ARMCX4: variants seen among roughly 807,000 people sequenced by gnomAD.
The protein encoded by ARMCX4 is armadillo repeat containing X-linked 4.
A neutral mutation model predicts 34.7 loss-of-function variants in ARMCX4; 3 were observed. That is an observed-to-expected ratio of 0.09 (90% CI 0.04 to 0.22). ARMCX4 has a LOEUF of 0.22. Among genes scored for constraint, ARMCX4 ranks in the 10% least tolerant of loss-of-function variants. The probability of loss-of-function intolerance (pLI) is 1.00; values close to 1 mark genes in which losing one functional copy is unlikely to be tolerated. For missense variants in ARMCX4, 1,448 were observed against 1,720.8 expected, an observed-to-expected ratio of 0.84 and a Z score of 2.81; for synonymous variants, 513 against 632.8, an observed-to-expected ratio of 0.81 and a Z score of 2.84.
intron 11 of ARMCX4, among the ~76,000 whole-genome samples, chrX:101,527,728 TAGG>T (rs1556021017): frequency 8.9e-6 from 1 of 111,768 alleles, no homozygotes; most frequent in East Asian, 2.8e-4. Context: ...CTAGAAAATC[TAGG>T]AGAAGTGGAT....
chrX:101,526,206 A>G (rs1934969084), intron 11 of ARMCX4, among the ~76,000 whole-genome samples: 1 of 112,057 alleles, frequency 8.9e-6, no homozygotes, highest in South Asian at 3.7e-4. Context: ...AGAATTTTCA[A>G]CCCCAAATTT....
At chrX:101,506,682 CAT>C (rs200606182) in intron 8 of ARMCX4, among the ~76,000 whole-genome samples, 1,385 of 111,597 alleles carry the variant, frequency 0.012, 19 homozygotes, top group African/African-American at 0.043. Context: ...AGGGCTTTAA[CAT>C]GTGAATTTTG....
chrX:101,433,759 G>T (rs942493814), intron 2 of ARMCX4, among the ~76,000 whole-genome samples: 2 of 111,318 alleles, frequency 1.8e-5, no homozygotes, highest in Admixed American at 1.9e-4. Flanking sequence ...CTTGGAAGTG[G>T]TGATTAATGA....
At chrX:101,486,123 A>G (rs1669356170) in intron 2 of ARMCX4, 31 bp downstream of exon 2, 1 of 111,158 alleles carries the variant, frequency 9.0e-6, no homozygotes, top group Non-Finnish European at 1.9e-5. Context: ...TATCTAAACC[A>G]TTGGAGTTCC....
chrX:101,443,824 G>C, intron 2 of ARMCX4: 1 of 354,031 alleles, frequency 2.8e-6, no homozygotes, highest in East Asian at 6.9e-5. Context: ...ACTCAATCTT[G>C]GCAGTGCAGA....
intron 2 of ARMCX4, among the ~76,000 whole-genome samples, chrX:101,429,261 G>C (rs1398790987): frequency 2.7e-5 from 3 of 109,195 alleles, no homozygotes; most frequent in Admixed American, 2.0e-4. Flanking sequence ...CTGATACAAT[G>C]ACTTATCTTC....
In ARMCX4 at chrX:101,490,190, C is replaced by G. The variant is rs1330359930; in HGVS notation, c.1601C>G (p.Ala534Gly). The change falls in exon 6 of 6, where the codon GCC becomes GGC. Residue 534 changes from alanine to glycine, a missense_variant. Ala to Gly is a moderately conservative substitution (Grantham distance 60, BLOSUM62 0). Transcript: ENST00000423738. ...GGTAAGGCTAGGGGCAAAGCCAAAG[C>G]CAAGTGTAAGACAGGGCCTGGGATG... The part of the protein sequence containing the change: ...TRGKARGKAK[A>G]KCKTGPGMDM... The G allele has an allele frequency of 2.6e-6, 3 of 1,154,050 alleles. No homozygotes were observed. The highest frequency in any genetic ancestry group is 6.5e-5 in the East Asian group (2 of 30,663).
intron 11 of ARMCX4, among the ~76,000 whole-genome samples, chrX:101,512,269 G>A (rs1556016513): frequency 9.0e-6 from 1 of 111,479 alleles, no homozygotes; most frequent in Non-Finnish European, 1.9e-5. Flanking sequence ...GTAATCTCAG[G>A]CTGAGGCAGG....
chrX:101,451,791 A>G, downstream of ARMCX4, among the ~76,000 whole-genome samples: 1 of 112,532 alleles, frequency 8.9e-6, no homozygotes, highest in Non-Finnish European at 1.9e-5. Flanking sequence ...CAATTCATTT[A>G]AAAAGAATGT....
At position 101,494,828 on chromosome X, in the gene ARMCX4, G is replaced by A. The variant is rs984074285; in HGVS notation, c.6239G>A (p.Arg2080His). The change falls in exon 6 of 6, where the codon CGT becomes CAT. Residue 2080 changes from arginine (R) to histidine (H), a missense_variant. Arg to His is a conservative substitution (Grantham distance 29). Coordinates refer to ENST00000423738, the MANE Select transcript of ARMCX4 (RefSeq NM_001256155.3). ...ADYSYSHEVV[R>H]NVGGISVIES... is the part of the protein sequence containing the mutation. Reference sequence around the variant, plus strand: ...TATTCTTATTCTCATGAAGTTGTTCGTAATGTAGGTGGAATTTCAGTTATT... The same window carrying A: ...TATTCTTATTCTCATGAAGTTGTTCATAATGTAGGTGGAATTTCAGTTATT... The A allele has an allele frequency of 5.2e-6, 6 of 1,153,517 alleles. No homozygotes were observed. The highest frequency in any genetic ancestry group is 2.3e-4 in the Middle Eastern group (1 of 4,300).
chrX:101,493,415 G>A lies in ARMCX4; in HGVS notation c.4826G>A (p.Gly1609Asp), dbSNP rs1556010347. 8.7e-7 allele frequency: 1 copy of A among 1,153,214 alleles called. No individual in the cohort carries two copies. Among genetic ancestry groups the A allele is most frequent in the Non-Finnish European group, 1.1e-6 (1 of 872,290 alleles). ...PGSEDQSSGI[G>D]SWGVAGGQVL... ...TCTGAGGATCAGTCCAGTGGAATAGGTTCCTGGGGTGTGGCTGGTGGCCAG... is the reference window on the plus strand; with the variant it reads ...TCTGAGGATCAGTCCAGTGGAATAGATTCCTGGGGTGTGGCTGGTGGCCAG... The change falls in exon 6 of 6, where the codon GGT (glycine) becomes GAT (aspartate). Residue 1609 changes from glycine (G) to aspartate (D), a missense_variant. Physicochemically the swap from Gly to Asp is moderately conservative, Grantham distance 94. Around this residue, in one of 2 missense-constraint regions of ARMCX4, gnomAD observed 1,343 missense variants for 1,540.7 expected, o/e 0.87. Coordinates refer to ENST00000423738, the MANE Select transcript of ARMCX4 (RefSeq NM_001256155.3).
chrX:101,529,541 C>A (rs782007148), intron 11 of ARMCX4, among the ~76,000 whole-genome samples: 1 of 111,779 alleles, frequency 8.9e-6, no homozygotes, highest in Non-Finnish European at 1.9e-5. Flanking sequence ...TCAGAGTGAA[C>A]AGGCAACCTA....
At position 101,493,954 on chromosome X, in the gene ARMCX4, G is replaced by A. The variant is rs1377820577; in HGVS notation, c.5365G>A (p.Ala1789Thr). Reference sequence around the variant, plus strand: ...TTCTAGGATTGAGGCTGAGAACAAGGCTAGTAGTGGCTCCTGGATTAGATC... The same window carrying A: ...TTCTAGGATTGAGGCTGAGAACAAGACTAGTAGTGGCTCCTGGATTAGATC... ...ICSRIEAENK[A>T]SSGSWIRSEE... The change falls in exon 6 of 6, where the codon GCT becomes ACT. Residue 1789 changes from alanine (A) to threonine (T), a missense_variant. This residue lies in a region of ARMCX4 where 1,343 missense variants were observed against 1,540.7 expected (regional missense o/e 0.87). Transcript: ENST00000423738. The A allele has an allele frequency of 6.1e-6, 7 of 1,139,696 alleles. No homozygotes were observed. Among genetic ancestry groups the A allele is most frequent in the Non-Finnish European group, 8.1e-6 (7 of 866,694 alleles). The allele number at this position is 1,139,696 out of a possible 1,213,427, so 93.9% of individuals were successfully genotyped here.
intron 7 of ARMCX4, among the ~76,000 whole-genome samples, chrX:101,503,356 G>A (rs1394528000): frequency 1.1e-4 from 12 of 111,206 alleles, no homozygotes; most frequent in Admixed American, 1.9e-4. Context: ...CTGAGGAATC[G>A]CCACACTGAC....
chrX:101,456,504 T>C (rs1408387861), intron 4 of ARMCX4, among the ~76,000 whole-genome samples: 4 of 111,674 alleles, frequency 3.6e-5, no homozygotes, highest in Non-Finnish European at 7.5e-5. Flanking sequence ...TGCCCATTTT[T>C]AATGGTGTTG....
chrX:101,529,195 C>T (rs1225246545), intron 11 of ARMCX4, among the ~76,000 whole-genome samples: 1 of 111,206 alleles, frequency 9.0e-6, no homozygotes, highest in African/African-American at 3.3e-5. Context: ...ATACAACCAT[C>T]TGATCTTTGA....
At chrX:101,480,523 G>A (rs542286383), upstream of ARMCX4, among the ~76,000 whole-genome samples, 8 of 111,646 alleles carry the variant, frequency 7.2e-5, no homozygotes, top group South Asian at 3.8e-4. Context: ...CTATGATCAC[G>A]CCACTGCAGT....
At chrX:101,437,382 A>G (rs1304014138) in intron 2 of ARMCX4, among the ~76,000 whole-genome samples, 1 of 111,771 alleles carries the variant, frequency 8.9e-6, no homozygotes, top group Non-Finnish European at 1.9e-5. Flanking sequence ...GGGAGGGTGT[A>G]TGTGTCGAGG....
intron 11 of ARMCX4, among the ~76,000 whole-genome samples, chrX:101,514,680 C>T (rs1190616804): frequency 9.0e-6 from 1 of 111,514 alleles, no homozygotes; most frequent in Non-Finnish European, 1.9e-5. Context: ...AGTGTCTGTT[C>T]CAATAAGAAA....
Sources: gnomAD v4.1 joint callset for allele counts (sites outside exome capture counted in the v4.1 genomes callset) on GRCh38, gnomAD v4.1.1 for gene constraint, gnomAD v4.1.1 regional missense constraint, MANE v1.5 for transcripts, NCBI Gene and HGNC (gene_info 2026-07-23, HGNC 2026-07-21) for gene names.